The following DNAH14 variants were observed in gnomAD, a reference collection of about 807,000 sequenced individuals.
DNAH14 encodes axonemal beta dynein heavy chain 14.
A neutral mutation model predicts 520.9 loss-of-function variants in DNAH14; 478 were observed. That is an observed-to-expected ratio of 0.92 (90% CI 0.85 to 0.99). The LOEUF (loss-of-function observed/expected upper bound fraction) is 0.99. Ranked by LOEUF, DNAH14 falls within the 50% of genes least tolerant of loss-of-function variation. DNAH14 has a pLI of 0.00. For synonymous variants in DNAH14, 1,581 were observed against 1,757.2 expected (o/e 0.90, Z 2.51); for missense variants, 4,831 against 5,234.5 (o/e 0.92, Z 2.38).
intron 40 of DNAH14, 109 bp from the exon 41 acceptor site, chr1:225,206,859 A>G (rs1415547982): frequency 2.1e-6 from 2 of 970,666 alleles, no homozygotes; most frequent in Non-Finnish European, 2.9e-6. Context: ...GACAATTCTA[A>G]GTCATATTTA....
At chr1:225,214,042 G>A (rs913070939) in intron 41 of DNAH14, among the ~76,000 whole-genome samples, 1 of 152,082 alleles carries the variant, frequency 6.6e-6, no homozygotes, top group African/African-American at 2.4e-5. Context: ...TTGGCTATGG[G>A]TTTGTCATAA....
rs2095277855 is a variant in DNAH14, at chr1:225,345,828, T to C, written c.10679-134T>C. The C allele has an allele frequency of 6.1e-6, 4 of 659,336 alleles. No homozygotes were observed. In the South Asian group the frequency reaches 1.2e-4, roughly 20 times the overall value. The allele number at this position is 659,336 out of a possible 1,614,324, so 40.8% of individuals were successfully genotyped here. ...ATTAGAAATATTACCTAACTTCATTTAAGAGCCCGTCTCTGACATAAAGCC... is the reference window on the plus strand; with the variant it reads ...ATTAGAAATATTACCTAACTTCATTCAAGAGCCCGTCTCTGACATAAAGCC... On this transcript the variant is annotated intron_variant, in intron 69 of 85. Coordinates refer to ENST00000682510, the MANE Select transcript of DNAH14 (RefSeq NM_001367479.1).
At chr1:225,058,028 G>C (rs1209746501) in intron 17 of DNAH14, among the ~76,000 whole-genome samples, 1 of 152,136 alleles carries the variant, frequency 6.6e-6, no homozygotes, top group East Asian at 1.9e-4. Context: ...TTGGTATCAG[G>C]ATGATGCTGG....
At chr1:224,985,054 T>A (rs2062536069) in intron 8 of DNAH14, among the ~76,000 whole-genome samples, 2 of 152,154 alleles carry the variant, frequency 1.3e-5, no homozygotes, top group African/African-American at 4.8e-5. Context: ...GAAAACAGCG[T>A]GGAGATTCCT....
intron 60 of DNAH14, among the ~76,000 whole-genome samples, chr1:225,312,203 T>C (rs1395086305): frequency 1.3e-5 from 2 of 152,192 alleles, no homozygotes; most frequent in African/African-American, 4.8e-5. Context: ...ATTCTTTTTG[T>C]AGCAATGGTG....
intron 27 of DNAH14, among the ~76,000 whole-genome samples, chr1:225,137,804 GT>G: frequency 6.6e-6 from 1 of 152,298 alleles, no homozygotes; most frequent in African/African-American, 2.4e-5. Flanking sequence ...GAGCAGGCGT[GT>G]TTCACTAGGG....
intron 56 of DNAH14, 49 bp downstream of exon 56, chr1:225,301,079 C>T: frequency 6.7e-7 from 1 of 1,491,306 alleles, no homozygotes; most frequent in South Asian, 1.3e-5. Flanking sequence ...TAAAAGTAGA[C>T]CGTGTTTATA....
chr1:225,093,226 AT>A (rs2074566472), intron 21 of DNAH14, among the ~76,000 whole-genome samples: 1 of 152,064 alleles, frequency 6.6e-6, no homozygotes, highest in African/African-American at 2.4e-5. Flanking sequence ...CTTGACAAAC[AT>A]GCACATAAAA....
At chr1:225,201,722 A>G (rs776512056) in intron 38 of DNAH14, among the ~76,000 whole-genome samples, 2 of 151,996 alleles carry the variant, frequency 1.3e-5, no homozygotes, top group Non-Finnish European at 2.9e-5. Flanking sequence ...TGAACCATCT[A>G]TGGGTCTCTC....
At chr1:224,945,446 T>C (rs1350231999) in intron 1 of DNAH14, among the ~76,000 whole-genome samples, 2 of 152,170 alleles carry the variant, frequency 1.3e-5, no homozygotes, top group Non-Finnish European at 2.9e-5. Context: ...GAACTTGCTC[T>C]TTTAGCTCAG....
At chr1:225,305,571 T>G (rs1001928252) in intron 58 of DNAH14, among the ~76,000 whole-genome samples, 3 of 152,102 alleles carry the variant, frequency 2.0e-5, no homozygotes, top group African/African-American at 7.2e-5. Flanking sequence ...AGAAACTATC[T>G]TATGACAATC....
intron 64 of DNAH14, among the ~76,000 whole-genome samples, chr1:225,330,288 C>T (rs1371207434): frequency 6.6e-6 from 1 of 152,124 alleles, no homozygotes; most frequent in South Asian, 2.1e-4. Context: ...TATGATCCAG[C>T]AATTCTACTG....
intron 81 of DNAH14, 55 bp from the exon 82 acceptor site, chr1:225,388,324 A>C: frequency 2.8e-6 from 3 of 1,074,580 alleles, no homozygotes; most frequent in Non-Finnish European, 4.1e-6. Flanking sequence ...AAATGTTCCT[A>C]ATGACCCCAA....
intron 35 of DNAH14, among the ~76,000 whole-genome samples, chr1:225,166,597 A>T (rs565068695): frequency 6.6e-6 from 1 of 152,308 alleles, no homozygotes; most frequent in South Asian, 2.1e-4. Flanking sequence ...TATCTTATTT[A>T]AAAATATTCT....
At chr1:225,322,858 TTTA>T (rs2094582283) in intron 62 of DNAH14, 35 bp downstream of exon 62, 1 of 1,510,946 alleles carries the variant, frequency 6.6e-7, no homozygotes, top group Admixed American at 2.0e-5. Flanking sequence ...GCATCTCATA[TTTA>T]CAGTCTGTGG....
intron 7 of DNAH14, among the ~76,000 whole-genome samples, chr1:224,971,875 C>T (rs1047522794): frequency 2.0e-5 from 3 of 152,234 alleles, no homozygotes; most frequent in Admixed American, 1.3e-4. Context: ...AGAAGTTTCT[C>T]GTCAAAGATA....
chr1:225,358,178 G>A (rs565398116), intron 73 of DNAH14, among the ~76,000 whole-genome samples: 10 of 152,248 alleles, frequency 6.6e-5, no homozygotes, highest in African/African-American at 2.2e-4. Context: ...GAAGAAAACC[G>A]AGGGGAAAAA....
chr1:225,100,948 T>C, intron 23 of DNAH14, 64 bp downstream of exon 23: 1 of 1,292,304 alleles, frequency 7.7e-7, no homozygotes, highest in Non-Finnish European at 1.0e-6. Flanking sequence ...AGTGATATAA[T>C]GTAATCTACT....
intron 17 of DNAH14, among the ~76,000 whole-genome samples, chr1:225,052,526 G>A (rs867484477): frequency 1.3e-5 from 2 of 152,132 alleles, no homozygotes; most frequent in South Asian, 2.1e-4. Context: ...TATTTGTTGA[G>A]CATTGATTAT....
Sources: gnomAD v4.1 joint callset for allele counts (sites outside exome capture counted in the v4.1 genomes callset) on GRCh38, gnomAD v4.1.1 for gene constraint, MANE v1.5 for transcripts, NCBI Gene and HGNC (gene_info 2026-07-23, HGNC 2026-07-21) for gene names.